Variants in CTIF observed in about 807,000 individuals in gnomAD.
CTIF encodes the protein cap binding complex dependent translation initiation factor.
In CTIF, 21 loss-of-function variants were observed where a neutral mutation model predicts 66.0. That is an observed-to-expected ratio of 0.32 (90% CI 0.23 to 0.46). The LOEUF (loss-of-function observed/expected upper bound fraction) is 0.46. CTIF is among the 20% of genes least tolerant of loss of function. The pLI is 1.00. For synonymous variants in CTIF, 345 were observed against 326.4 expected, an observed-to-expected ratio of 1.06 and a Z score of -0.62; for missense variants, 739 against 812.7, an observed-to-expected ratio of 0.91 and a Z score of 1.10.
At chr18:48,565,855 A>G (rs2089269140) in intron 1 of CTIF, 1 of 152,154 alleles carries the variant, frequency 6.6e-6, no homozygotes, top group African/African-American at 2.4e-5. Flanking sequence ...GTGGGATGGG[A>G]AGGTGGGGCT....
intron 10 of CTIF, among the ~76,000 whole-genome samples, chr18:48,848,613 A>T (rs1475286939): frequency 6.6e-6 from 1 of 152,290 alleles, no homozygotes; most frequent in East Asian, 1.9e-4. Context: ...CTCCCTGCAC[A>T]GCGAGGCTGC....
At chr18:48,848,385 C>T (rs934717136) in intron 10 of CTIF, among the ~76,000 whole-genome samples, 2 of 152,178 alleles carry the variant, frequency 1.3e-5, no homozygotes, top group Non-Finnish European at 2.9e-5. Context: ...CCCCTGTGGC[C>T]ACCTCCAGTC....
intron 3 of CTIF, among the ~76,000 whole-genome samples, chr18:48,638,186 T>A (rs1247302249): frequency 6.6e-6 from 1 of 152,110 alleles, no homozygotes; most frequent in Non-Finnish European, 1.5e-5. Flanking sequence ...TGGGGTCTCC[T>A]AAAAGGAGAT....
chr18:48,730,715 G>A (rs865803791), intron 7 of CTIF, among the ~76,000 whole-genome samples: 4 of 123,086 alleles, frequency 3.2e-5, no homozygotes, highest in African/African-American at 8.6e-5. Flanking sequence ...GGGCTTCCGC[G>A]GTGTGAGGGG....
Position 48,671,712 on chromosome 18 carries a change from G to T in CTIF, c.507+968G>T, listed in dbSNP as rs373688145. Among the ~76,000 whole-genome samples, 23 of 151,674 alleles carry T rather than the reference G, an allele frequency of 1.5e-4. 1 individual carries two copies. The South Asian group carries it at 4.8e-3, about 32-fold the overall frequency. ...TCAAATTTGGAAAATTTTCAGCCAC[G>T]ATTCCTCCTACTTTCCCTCAACCCT... On this transcript the variant is annotated intron_variant, in intron 6 of 11. Coordinates refer to ENST00000256413, the MANE Select transcript of CTIF (RefSeq NM_014772.3).
intron 1 of CTIF, among the ~76,000 whole-genome samples, chr18:48,611,073 T>C (rs908291076): frequency 3.3e-5 from 5 of 152,170 alleles, no homozygotes; most frequent in African/African-American, 1.2e-4. Context: ...GGATCCTGCA[T>C]TGCAGCCTGG....
At chr18:48,605,041 G>A (rs554075125) in intron 1 of CTIF, among the ~76,000 whole-genome samples, 1 of 152,304 alleles carries the variant, frequency 6.6e-6, no homozygotes, top group Non-Finnish European at 1.5e-5. Flanking sequence ...GGATGTTTGT[G>A]TAGATTTTAC....
chr18:48,721,864 C>A (rs1385179026), intron 7 of CTIF, among the ~76,000 whole-genome samples: 1 of 152,188 alleles, frequency 6.6e-6, no homozygotes, highest in Non-Finnish European at 1.5e-5. Flanking sequence ...AATTCTCTTA[C>A]ACTTTAAGGG....
chr18:48,647,788 T>C, intron 3 of CTIF, among the ~76,000 whole-genome samples: 1 of 144,834 alleles, frequency 6.9e-6, no homozygotes, highest in African/African-American at 2.5e-5. Context: ...TCTTAGAACA[T>C]CTCTGCAGGA....
At chr18:48,750,188 C>T (rs1473551631) in intron 7 of CTIF, among the ~76,000 whole-genome samples, 5 of 152,206 alleles carry the variant, frequency 3.3e-5, no homozygotes, top group Admixed American at 2.6e-4. Flanking sequence ...AGGTGGGAGG[C>T]CACCCTAAGA....
At chr18:48,664,292 A>C (rs1448119840) in intron 4 of CTIF, among the ~76,000 whole-genome samples, 155 bp from the exon 5 acceptor site, 1 of 152,162 alleles carries the variant, frequency 6.6e-6, no homozygotes, top group African/African-American at 2.4e-5. Context: ...GAGGGGTGGC[A>C]CCTGGGGCTC....
chr18:48,768,042 T>C (rs941909027), intron 9 of CTIF, among the ~76,000 whole-genome samples: 7 of 152,090 alleles, frequency 4.6e-5, no homozygotes, highest in Non-Finnish European at 1.0e-4. Context: ...TCTCCCATCC[T>C]CCTGCCCTTC....
chr18:48,857,655 C>G lies in CTIF; in HGVS notation c.1581+14C>G. 6.3e-7 allele frequency: 1 copy of G among 1,598,420 alleles called. No homozygotes were observed. Among genetic ancestry groups the G allele is most frequent in the South Asian group, 1.1e-5 (1 of 88,538 alleles). Reference sequence around the variant, plus strand: ...TGCTCTATGGAGGTAAGCTTTGGGGCTTCGACATCCCCAACCTCAAAGCCG... The same window carrying G: ...TGCTCTATGGAGGTAAGCTTTGGGGGTTCGACATCCCCAACCTCAAAGCCG... On this transcript the variant is annotated intron_variant, in intron 11 of 11. Transcript: ENST00000256413.
At chr18:48,814,839 TGTG>T (rs1196510794) in intron 9 of CTIF, among the ~76,000 whole-genome samples, 2 of 152,288 alleles carry the variant, frequency 1.3e-5, no homozygotes, top group Middle Eastern at 3.4e-3. Context: ...TGGAGTCTCT[TGTG>T]GTCCCTTTTC....
chr18:48,698,198 G>C (rs940674533), intron 6 of CTIF, among the ~76,000 whole-genome samples: 1 of 128,740 alleles, frequency 7.8e-6, no homozygotes, highest in Non-Finnish European at 1.6e-5. Context: ...GGAACACCAA[G>C]TACACAAGGA....
chr18:48,638,348 T>C (rs1225827025), intron 3 of CTIF, among the ~76,000 whole-genome samples: 2 of 152,232 alleles, frequency 1.3e-5, no homozygotes, highest in Non-Finnish European at 2.9e-5. Flanking sequence ...TGTCTGGTTC[T>C]GGAATGTTCC....
rs117334751 is a variant in CTIF, at chr18:48,612,307, T to G, written c.-28-7231T>G. On this transcript the variant is annotated intron_variant, in intron 1 of 11. Coordinates refer to ENST00000256413, the MANE Select transcript of CTIF (RefSeq NM_014772.3). Reference sequence around the variant, plus strand: ...TTCCTCGGGGAGAGCCTGGGCACCCTGGCCTCTCTCCTCCCCACTCCAGCA... The same window carrying G: ...TTCCTCGGGGAGAGCCTGGGCACCCGGGCCTCTCTCCTCCCCACTCCAGCA... Among the ~76,000 whole-genome samples the G allele has an allele frequency of 1.6e-3, 249 of 152,296 alleles. 4 individuals carry two copies. The East Asian group carries it at 0.044, about 27-fold the overall frequency.
chr18:48,792,860 G>T (rs1322942434), intron 9 of CTIF, among the ~76,000 whole-genome samples: 1 of 152,172 alleles, frequency 6.6e-6, no homozygotes, highest in Non-Finnish European at 1.5e-5. Flanking sequence ...ATAGGAAGTG[G>T]CCAGGTTGAG....
intron 8 of CTIF, among the ~76,000 whole-genome samples, chr18:48,759,507 T>C (rs576291712): frequency 6.6e-6 from 1 of 152,300 alleles, no homozygotes; most frequent in Admixed American, 6.5e-5. Context: ...TTCTGCTAAA[T>C]GTAACTGCAG....
Sources: allele counts gnomAD v4.1 joint callset (sites outside exome capture counted in the v4.1 genomes callset), GRCh38; gene constraint gnomAD v4.1.1; transcripts MANE v1.5; gene names NCBI Gene and HGNC (gene_info 2026-07-23, HGNC 2026-07-21).